BACH2: variants seen among roughly 807,000 people sequenced by gnomAD.
BACH2 encodes the protein transcription regulator protein BACH2.
Under a neutral mutation model 61.8 loss-of-function variants are expected in BACH2, and 5 were observed. The ratio of observed to expected loss-of-function variants is 0.08; its 90% CI spans 0.04 to 0.17. The LOEUF (loss-of-function observed/expected upper bound fraction) is 0.17, where lower values mean the gene tolerates loss of function less well. Among genes scored for constraint, BACH2 ranks in the 10% least tolerant of loss-of-function variants. BACH2 has a pLI of 1.00. For synonymous variants in BACH2, 446 were observed against 440.1 expected, an observed-to-expected ratio of 1.01 and a Z score of -0.17; for missense variants, 824 against 1,091.1, an observed-to-expected ratio of 0.76 and a Z score of 3.45.
chr6:90,217,941 G>T (rs374226130), intron 3 of BACH2: 1 of 151,928 alleles, frequency 6.6e-6, no homozygotes, highest in Non-Finnish European at 1.5e-5. Flanking sequence ...AATCCTTCTT[G>T]AGCAAGAAAA....
chr6:90,176,806 T>C (rs2069733805), intron 4 of BACH2, among the ~76,000 whole-genome samples: 1 of 152,188 alleles, frequency 6.6e-6, no homozygotes, highest in African/African-American at 2.4e-5. Flanking sequence ...ATGCTTCACG[T>C]AGCCACAGAG....
At chr6:89,966,687 G>C (rs1775065814) in intron 6 of BACH2, among the ~76,000 whole-genome samples, 1 of 152,164 alleles carries the variant, frequency 6.6e-6, no homozygotes, top group South Asian at 2.1e-4. Flanking sequence ...CCATCTATCA[G>C]CACAGCCATG....
At chr6:90,273,131 C>T (rs1771580101) in intron 1 of BACH2, among the ~76,000 whole-genome samples, 1 of 151,998 alleles carries the variant, frequency 6.6e-6, no homozygotes, top group African/African-American at 2.4e-5. Flanking sequence ...GAGGCTAAGG[C>T]GGAGGATCGC....
At chr6:90,106,114 A>G (rs186300307) in intron 4 of BACH2, among the ~76,000 whole-genome samples, 8 of 152,366 alleles carry the variant, frequency 5.3e-5, no homozygotes, top group African/African-American at 1.9e-4. Context: ...GGGCCTTTTC[A>G]TATTTTAAAG....
chr6:90,117,528 A>G (rs1035592048), intron 4 of BACH2, among the ~76,000 whole-genome samples: 5 of 148,000 alleles, frequency 3.4e-5, no homozygotes, highest in African/African-American at 1.0e-4. Context: ...TGTCATTCCT[A>G]TGATGAATGC....
chr6:90,022,225 C>A (rs1243194777), intron 5 of BACH2, among the ~76,000 whole-genome samples: 1 of 152,058 alleles, frequency 6.6e-6, no homozygotes, highest in African/African-American at 2.4e-5. Context: ...AAAAAATAAC[C>A]CAAATTTCCA....
intron 6 of BACH2, among the ~76,000 whole-genome samples, chr6:89,964,043 C>A (rs550090127): frequency 7.3e-4 from 111 of 152,032 alleles, no homozygotes; most frequent in African/African-American, 2.6e-3. Context: ...ATATCACACT[C>A]TGGGGACTGT....
intron 8 of BACH2, among the ~76,000 whole-genome samples, chr6:89,937,339 G>C (rs1053428690): frequency 2.0e-5 from 3 of 152,196 alleles, no homozygotes; most frequent in African/African-American, 7.2e-5. Flanking sequence ...TTTGGAATCA[G>C]ACACCTGGGT....
chr6:90,265,508 T>C (rs998132784), intron 2 of BACH2, among the ~76,000 whole-genome samples: 2 of 152,202 alleles, frequency 1.3e-5, no homozygotes, highest in Admixed American at 6.6e-5. Flanking sequence ...ATCAGGATCT[T>C]AGTGATAGTG....
chr6:90,270,424 C>G (rs1183067149), intron 2 of BACH2, among the ~76,000 whole-genome samples: 1 of 152,116 alleles, frequency 6.6e-6, no homozygotes, highest in Non-Finnish European at 1.5e-5. Context: ...CTGCTATACA[C>G]CAACCGTGAC....
At chr6:90,233,201 T>C (rs1268381935) in intron 3 of BACH2, among the ~76,000 whole-genome samples, 3 of 152,250 alleles carry the variant, frequency 2.0e-5, no homozygotes, top group Admixed American at 6.5e-5. Context: ...AAGCCACCTT[T>C]TTTTTATTTG....
intron 1 of BACH2, among the ~76,000 whole-genome samples, chr6:90,287,489 C>T (rs1388391866): frequency 6.6e-6 from 1 of 152,060 alleles, no homozygotes; most frequent in Non-Finnish European, 1.5e-5. Flanking sequence ...TCCCTGGAAG[C>T]TTTGTTTAAA....
Position 90,166,409 on chromosome 6 carries a change from G to A in BACH2, c.-162+40160C>T, listed in dbSNP as rs534454786. 7.9e-5 allele frequency among the ~76,000 whole-genome samples: 12 copies of A among 152,286 alleles called. No homozygotes were observed. In the East Asian group the frequency reaches 2.3e-3, roughly 29 times the overall value. On this transcript the variant is annotated intron_variant, in intron 4 of 8. Transcript: ENST00000257749. ...TCATTAAAAAGTCAGGAAACAACAG[G>A]TGCTAGAGAGGCTGTGGAGAAATAG...
chr6:90,005,682 A>C (rs1777369183), intron 6 of BACH2, among the ~76,000 whole-genome samples: 1 of 152,258 alleles, frequency 6.6e-6, no homozygotes, highest in Non-Finnish European at 1.5e-5. Context: ...GAGGCCTCAG[A>C]AACAATGACA....
chr6:89,940,815 C>T (rs1219988945), intron 7 of BACH2, among the ~76,000 whole-genome samples: 1 of 150,788 alleles, frequency 6.6e-6, no homozygotes, highest in African/African-American at 2.4e-5. Context: ...ATACTTCCAA[C>T]ATATAGCTAA....
chr6:89,938,670 T>C (rs569930886), intron 7 of BACH2, among the ~76,000 whole-genome samples: 1 of 152,326 alleles, frequency 6.6e-6, no homozygotes, highest in Admixed American at 6.5e-5. Context: ...TTAGTTGAAA[T>C]GTACTTCCAT....
intron 4 of BACH2, among the ~76,000 whole-genome samples, chr6:90,196,263 C>T (rs534461605): frequency 2.6e-5 from 4 of 152,080 alleles, no homozygotes; most frequent in African/African-American, 7.2e-5. Flanking sequence ...GAACACAATG[C>T]CATAGGTTTT....
chr6:89,987,260 A>G (rs1167505455), intron 6 of BACH2, among the ~76,000 whole-genome samples: 2 of 152,224 alleles, frequency 1.3e-5, no homozygotes, highest in African/African-American at 4.8e-5. Context: ...TTGGGTCAGT[A>G]TGGTGACACA....
chr6:90,098,547 G>GT (rs1782478049), intron 4 of BACH2, among the ~76,000 whole-genome samples: 1 of 152,114 alleles, frequency 6.6e-6, no homozygotes, highest in Non-Finnish European at 1.5e-5. Context: ...TCCTGACATA[G>GT]ATTCTTTAAA....
Sources: gnomAD v4.1 joint callset for allele counts (sites outside exome capture counted in the v4.1 genomes callset) on GRCh38, gnomAD v4.1.1 for gene constraint, MANE v1.5 for transcripts, NCBI Gene and HGNC (gene_info 2026-07-23, HGNC 2026-07-21) for gene names.